The following ANKRD6 variants were observed in gnomAD, a reference collection of about 807,000 sequenced individuals.
The protein encoded by ANKRD6 is ankyrin repeat domain 6.
In ANKRD6, 56 loss-of-function variants were observed where a neutral mutation model predicts 82.3. That is an observed-to-expected ratio of 0.68 (90% CI 0.55 to 0.85). The LOEUF (loss-of-function observed/expected upper bound fraction) is 0.85, where lower values mean the gene tolerates loss of function less well. Among genes scored for constraint, ANKRD6 ranks in the 40% least tolerant of loss-of-function variants. The pLI, the probability that ANKRD6 is intolerant of heterozygous loss-of-function variation, is 0.00. For missense variants in ANKRD6, 852 were observed against 907.6 expected (o/e 0.94, Z 0.79); for synonymous variants, 347 against 352.1 (o/e 0.99, Z 0.16).
At chr6:89,440,396 G>A (rs1014090766) in intron 1 of ANKRD6, among the ~76,000 whole-genome samples, 3 of 152,206 alleles carry the variant, frequency 2.0e-5, no homozygotes, top group African/African-American at 7.2e-5. Flanking sequence ...GATGCCTCTG[G>A]TGCCTTCTCT....
chr6:89,512,033 C>T (rs1253087834), intron 1 of ANKRD6, among the ~76,000 whole-genome samples: 2 of 152,028 alleles, frequency 1.3e-5, no homozygotes, highest in East Asian at 3.9e-4. Flanking sequence ...CCCACCCCGG[C>T]CTCTCAAAGT....
At chr6:89,602,945 C>T in intron 3 of ANKRD6, 84 bp from the exon 4 acceptor site, 2 of 1,159,326 alleles carry the variant, frequency 1.7e-6, no homozygotes, top group Non-Finnish European at 2.5e-6. Flanking sequence ...GGGAGGGGTC[C>T]TTGTGTCCAA....
At chr6:89,621,210 C>T (rs1285022032) in intron 9 of ANKRD6, 2 of 152,220 alleles carry the variant, frequency 1.3e-5, no homozygotes, top group Non-Finnish European at 1.5e-5. Flanking sequence ...GCGCCTGACC[C>T]GTTTTTACAT....
chr6:89,516,534 G>T (rs980229789), intron 1 of ANKRD6, among the ~76,000 whole-genome samples: 4 of 152,058 alleles, frequency 2.6e-5, no homozygotes, highest in Non-Finnish European at 5.9e-5. Context: ...GAGTGCAGTG[G>T]TGTGATCTCA....
chr6:89,557,959 C>A (rs2128044555), intron 1 of ANKRD6, among the ~76,000 whole-genome samples: 1 of 152,056 alleles, frequency 6.6e-6, no homozygotes, highest in South Asian at 2.1e-4. Flanking sequence ...CCCACCAATT[C>A]TACATTATGG....
At chr6:89,609,705 G>A (rs1183518019) in intron 5 of ANKRD6, among the ~76,000 whole-genome samples, 1 of 152,044 alleles carries the variant, frequency 6.6e-6, no homozygotes, top group East Asian at 1.9e-4. Context: ...TCTGCCTCCC[G>A]GGTTCAAGCT....
intron 1 of ANKRD6, among the ~76,000 whole-genome samples, chr6:89,539,430 A>G (rs993010734): frequency 2.0e-5 from 3 of 152,116 alleles, no homozygotes; most frequent in Non-Finnish European, 4.4e-5. Context: ...AACATTAAAA[A>G]TTTTTAATAT....
intron 1 of ANKRD6, among the ~76,000 whole-genome samples, chr6:89,482,141 C>T (rs1776886529): frequency 6.6e-6 from 1 of 152,158 alleles, no homozygotes; most frequent in African/African-American, 2.4e-5. Flanking sequence ...GAGATTCTGC[C>T]CTTTGAAATA....
chr6:89,533,405 A>C (rs1272684214), intron 1 of ANKRD6, among the ~76,000 whole-genome samples: 1 of 152,174 alleles, frequency 6.6e-6, no homozygotes, highest in South Asian at 2.1e-4. Flanking sequence ...AACTTGCAGC[A>C]ACCTAATGAG....
intron 1 of ANKRD6, among the ~76,000 whole-genome samples, chr6:89,439,592 C>G (rs116085729): frequency 0.012 from 1,885 of 152,290 alleles, 44 homozygotes; most frequent in African/African-American, 0.043. Flanking sequence ...TGCACTAATT[C>G]TAGTAATGCT....
intron 13 of ANKRD6, among the ~76,000 whole-genome samples, chr6:89,625,780 C>T (rs996938973): frequency 6.7e-6 from 1 of 149,208 alleles, no homozygotes; most frequent in Non-Finnish European, 1.5e-5. Flanking sequence ...ACTCTGTCAC[C>T]TAGAGTGCAG....
intron 1 of ANKRD6, among the ~76,000 whole-genome samples, chr6:89,449,189 G>A (rs1338185292): frequency 6.6e-6 from 1 of 152,192 alleles, no homozygotes; most frequent in Non-Finnish European, 1.5e-5. Flanking sequence ...ATGAGAGGAG[G>A]TCAAAATGTC....
chr6:89,524,899 T>C (rs563273729), intron 1 of ANKRD6, among the ~76,000 whole-genome samples: 232 of 152,132 alleles, frequency 1.5e-3, no homozygotes, highest in African/African-American at 5.2e-3. Flanking sequence ...TTTTTTTTTT[T>C]AATTTTTAAA....
chr6:89,452,400 TGA>T (rs1491188768), intron 1 of ANKRD6, among the ~76,000 whole-genome samples: 3 of 152,118 alleles, frequency 2.0e-5, no homozygotes, highest in African/African-American at 7.2e-5. Flanking sequence ...GATATTTAAG[TGA>T]GGGGGGAAAT....
intron 1 of ANKRD6, among the ~76,000 whole-genome samples, chr6:89,516,110 G>A (rs900755581): frequency 3.3e-4 from 50 of 152,294 alleles, no homozygotes; most frequent in African/African-American, 1.2e-3. Context: ...CTGGGCCATG[G>A]GATACCCAGA....
Position 89,633,490 on chromosome 6 carries a change from A to G in ANKRD6, c.*2486A>G, listed in dbSNP as rs1332500630. 2 of 152,370 alleles carry G rather than the reference A, an allele frequency of 1.3e-5. No individual in the cohort carries two copies. The highest frequency in any genetic ancestry group is 3.9e-4 in the East Asian group (2 of 5,190). The allele number at this position is 152,370 out of a possible 1,614,324, so 9.4% of individuals were successfully genotyped here. A position where few individuals can be genotyped will look rare whatever the true frequency, so the allele number is the denominator to read the frequency against. ...CAACTTATAGCCTGTCATGCAGGTC[A>G]TGTTTCAAATCAAGGCTGAAATTTT... On this transcript the variant is annotated 3_prime_UTR_variant, in exon 16 of 16. Transcript: ENST00000339746.
At chr6:89,447,845 G>A (rs1036686535) in intron 1 of ANKRD6, among the ~76,000 whole-genome samples, 11 of 67,888 alleles carry the variant, frequency 1.6e-4, no homozygotes, top group African/African-American at 8.6e-4. Context: ...GTGCCACCAC[G>A]CCCAGCTAAT....
At chr6:89,512,602 T>C (rs1780686634) in intron 1 of ANKRD6, among the ~76,000 whole-genome samples, 1 of 152,170 alleles carries the variant, frequency 6.6e-6, no homozygotes, top group Non-Finnish European at 1.5e-5. Context: ...TCTGTGTTTG[T>C]CTGTTGGGGT....
At chr6:89,519,242 A>G (rs1173890322) in intron 1 of ANKRD6, among the ~76,000 whole-genome samples, 3 of 152,204 alleles carry the variant, frequency 2.0e-5, no homozygotes, top group African/African-American at 7.2e-5. Flanking sequence ...ACAGATTGAG[A>G]ATATCATCCT....
Sources: allele counts gnomAD v4.1 joint callset (sites outside exome capture counted in the v4.1 genomes callset), GRCh38; gene constraint gnomAD v4.1.1; transcripts MANE v1.5; gene names NCBI Gene and HGNC (gene_info 2026-07-23, HGNC 2026-07-21).